PKHD1L1: variants seen among roughly 807,000 people sequenced by gnomAD.
PKHD1L1 encodes fibrocystin-L.
Under a neutral mutation model 462.9 loss-of-function variants are expected in PKHD1L1, and 434 were observed. The observed-to-expected ratio is 0.94, with a 90% confidence interval of 0.87 to 1.02. PKHD1L1 has a LOEUF of 1.02. Ranked by LOEUF, PKHD1L1 falls within the 50% of genes least tolerant of loss-of-function variation. PKHD1L1 has a pLI of 0.00. For synonymous variants in PKHD1L1, 1,781 were observed against 1,750.0 expected (o/e 1.02, Z -0.44); for missense variants, 5,202 against 5,096.1 (o/e 1.02, Z -0.63).
chr8:109,441,529 G>A (rs1357129797), intron 34 of PKHD1L1, 150 bp downstream of exon 34: 5 of 587,826 alleles, frequency 8.5e-6, no homozygotes, highest in East Asian at 3.2e-5. Flanking sequence ...GACATAGAGG[G>A]TCACATATAG....
chr8:109,493,800 A>G (rs1818951471), intron 63 of PKHD1L1, 49 bp downstream of exon 63: 2 of 1,226,130 alleles, frequency 1.6e-6, no homozygotes, highest in Non-Finnish European at 2.3e-6. Context: ...TAACTTGTAC[A>G]AAATTGTTAA....
intron 76 of PKHD1L1, among the ~76,000 whole-genome samples, chr8:109,523,749 TAAG>T (rs1820679966): frequency 6.6e-6 from 1 of 152,148 alleles, no homozygotes; most frequent in Non-Finnish European, 1.5e-5. Flanking sequence ...TTTAATGTCT[TAAG>T]GAGGAGTTCA....
chr8:109,486,841 A>G lies in PKHD1L1; in HGVS notation c.9880+20A>G, dbSNP rs1442041841. The G allele has an allele frequency of 1.3e-6, 2 of 1,599,736 alleles. No individual in the cohort carries two copies. Among genetic ancestry groups the G allele is most frequent in the Admixed American group, 1.7e-5 (1 of 59,224 alleles). On this transcript the variant is annotated intron_variant, in intron 59 of 77. Transcript: ENST00000378402. ...TTAAAGGTTGGTATCAATTCAGTTTATTTTTCTAAATGAGCTATAACATTA... is the reference window on the plus strand; with the variant it reads ...TTAAAGGTTGGTATCAATTCAGTTTGTTTTTCTAAATGAGCTATAACATTA...
At chr8:109,476,766 T>C in intron 52 of PKHD1L1, 99 bp downstream of exon 52, 1 of 1,003,582 alleles carries the variant, frequency 1.0e-6, no homozygotes, top group Admixed American at 3.5e-5. Flanking sequence ...GTGCTTAATA[T>C]ATACAGGATC....
At chr8:109,483,254 C>G (rs1818360624) in intron 57 of PKHD1L1, 149 bp downstream of exon 57, 1 of 539,294 alleles carries the variant, frequency 1.9e-6, no homozygotes, top group African/African-American at 2.0e-5. Context: ...AAAAATGTAT[C>G]CGATAGGAGG....
chr8:109,367,648 T>C (rs1485001145), intron 2 of PKHD1L1, among the ~76,000 whole-genome samples: 1 of 152,272 alleles, frequency 6.6e-6, no homozygotes, highest in Non-Finnish European at 1.5e-5. Flanking sequence ...TTTGGGAAGC[T>C]AAGGCAGAAG....
intron 57 of PKHD1L1, among the ~76,000 whole-genome samples, chr8:109,484,268 C>G (rs1175014396): frequency 6.6e-6 from 1 of 151,674 alleles, no homozygotes; most frequent in Non-Finnish European, 1.5e-5. Flanking sequence ...ATTATTTATC[C>G]AATTAATACT....
Position 109,425,188 on chromosome 8 carries a change from T to C in PKHD1L1, c.2801T>C (p.Leu934Pro), listed in dbSNP as rs756420686. The change falls in exon 24 of 78, where the codon CTA becomes CCA. Residue 934 changes from leucine to proline, a missense_variant. Physicochemically the swap from Leu to Pro is moderately conservative, Grantham distance 98 (BLOSUM62 -3). Around this residue, in one of 3 missense-constraint regions of PKHD1L1, gnomAD observed 4,497 missense variants for 4,336.8 expected, o/e 1.04. Coordinates refer to ENST00000378402, the MANE Select transcript of PKHD1L1 (RefSeq NM_177531.6). ...AGAATTCAAGCTGCATCTCCACCTC[T>C]AAGTGGCAGCTTTGACATTCAAGCT... The part of the protein sequence containing the change: ...IQRIQAASPP[L>P]SGSFDIQAYG... The C allele has an allele frequency of 6.2e-7, 1 of 1,608,258 alleles. No homozygotes were observed. Among genetic ancestry groups the C allele is most frequent in the Admixed American group, 1.7e-5 (1 of 58,688 alleles).
chr8:109,496,895 T>G, intron 63 of PKHD1L1, 24 bp from the exon 64 acceptor site: 1 of 1,593,390 alleles, frequency 6.3e-7, no homozygotes. Flanking sequence ...GTGTTCATTC[T>G]CTGGTTCTAT....
At chr8:109,483,243 C>A (rs1586601516) in intron 57 of PKHD1L1, 138 bp downstream of exon 57, 2 of 584,412 alleles carry the variant, frequency 3.4e-6, no homozygotes, top group Non-Finnish European at 5.4e-6. Context: ...AATAAGCTTG[C>A]AAAAATGTAT....
rs1260850944 is a variant in PKHD1L1, at chr8:109,445,127, G to T, written c.5258G>T (p.Gly1753Val). 1 of 1,613,812 alleles carries T rather than the reference G, an allele frequency of 6.2e-7. No individual in the cohort carries two copies. Among genetic ancestry groups the T allele is most frequent in the Non-Finnish European group, 8.5e-7 (1 of 1,179,900 alleles). Residue 1753 changes from glycine to valine, a missense_variant, in exon 38 of 78, where the codon GGA (glycine) becomes GTA (valine). Physicochemically the swap from Gly to Val is moderately radical, Grantham distance 109. This residue lies in a region of PKHD1L1 where 4,497 missense variants were observed against 4,336.8 expected (regional missense o/e 1.04). Transcript: ENST00000378402. ...YLESITPYIT[G>V]VFPNSVIGSV... ...GAAAGCATCACTCCTTACATAACAG[G>T]AGTCTTCCCAAACTCTGTCATAGGA...
intron 71 of PKHD1L1, 30 bp downstream of exon 71, chr8:109,510,964 T>G (rs1563625338): frequency 1.9e-6 from 3 of 1,601,304 alleles, no homozygotes; most frequent in Non-Finnish European, 2.6e-6. Flanking sequence ...GAGTAATTGC[T>G]GTTGATTATT....
At chr8:109,520,173 C>T (rs906811321) in intron 73 of PKHD1L1, among the ~76,000 whole-genome samples, 1 of 152,178 alleles carries the variant, frequency 6.6e-6, no homozygotes, top group Middle Eastern at 3.4e-3. Flanking sequence ...AGATCTCCCA[C>T]GATGTTCTCT....
chr8:109,412,487 G>T, intron 20 of PKHD1L1, 73 bp downstream of exon 20: 1 of 1,414,990 alleles, frequency 7.1e-7, no homozygotes, highest in South Asian at 1.4e-5. Context: ...GAAATTTTAA[G>T]ACAAGAAAAA....
chr8:109,524,982 T>C (rs1467820354), intron 76 of PKHD1L1, among the ~76,000 whole-genome samples: 6 of 152,256 alleles, frequency 3.9e-5, no homozygotes, highest in Middle Eastern at 3.4e-3. Flanking sequence ...AAGCCAAGTA[T>C]AGGAATCTCT....
At chr8:109,456,899 G>A (rs1816856639) in intron 46 of PKHD1L1, among the ~76,000 whole-genome samples, 1 of 152,058 alleles carries the variant, frequency 6.6e-6, no homozygotes, top group African/African-American at 2.4e-5. Flanking sequence ...AAATAAAAGA[G>A]AAGAAATAAT....
Position 109,438,945 on chromosome 8 carries a change from C to T in PKHD1L1, c.3809C>T (p.Thr1270Ile). The change falls in exon 32 of 78, where the codon ACA becomes ATA. Residue 1270 changes from threonine to isoleucine, a missense_variant. Coordinates refer to ENST00000378402, the MANE Select transcript of PKHD1L1 (RefSeq NM_177531.6). ...GGCTATAATTTTGGAAATGAACTCA[C>T]ACAAAACATGGCGGTGTATGTTGGA... ...IKGYNFGNEL[T>I]QNMAVYVGGK... 6 of 1,613,050 alleles carry T rather than the reference C, an allele frequency of 3.7e-6. No homozygotes were observed. Among genetic ancestry groups the T allele is most frequent in the African/African-American group, 1.3e-5 (1 of 74,996 alleles).
In PKHD1L1 at chr8:109,454,254, A is replaced by G; in HGVS notation, c.6744+8A>G. On this transcript the variant is annotated splice_region_variant and intron_variant, in intron 44 of 77. Coordinates refer to ENST00000378402, the MANE Select transcript of PKHD1L1 (RefSeq NM_177531.6). Reference sequence around the variant, plus strand: ...GATGGAGGTGTTCTTCAGGTATTCAAAAGAACATAATACATATTCATTTCC... The same window carrying G: ...GATGGAGGTGTTCTTCAGGTATTCAGAAGAACATAATACATATTCATTTCC... The G allele has an allele frequency of 6.3e-7, 1 of 1,576,974 alleles. No individual in the cohort carries two copies. Among genetic ancestry groups the G allele is most frequent in the Non-Finnish European group, 8.7e-7 (1 of 1,154,926 alleles).
intron 9 of PKHD1L1, among the ~76,000 whole-genome samples, chr8:109,391,790 G>C (rs956308532): frequency 2.6e-5 from 4 of 152,166 alleles, no homozygotes; most frequent in African/African-American, 7.2e-5. Flanking sequence ...TGAAGGATGA[G>C]ATTTTGTCCC....
Sources: allele counts gnomAD v4.1 joint callset (sites outside exome capture counted in the v4.1 genomes callset), GRCh38; gene constraint gnomAD v4.1.1; regional missense constraint gnomAD v4.1.1; transcripts MANE v1.5; gene names NCBI Gene and HGNC (gene_info 2026-07-23, HGNC 2026-07-21).